WIF1: variants seen among roughly 807,000 people sequenced by gnomAD.
The protein encoded by WIF1 is Wnt inhibitory factor 1.
A neutral mutation model predicts 53.5 loss-of-function variants in WIF1; 35 were observed. The observed-to-expected ratio is 0.65, with a 90% CI of 0.50 to 0.87. The LOEUF is 0.87. Among genes scored for constraint, WIF1 ranks in the 40% least tolerant of loss-of-function variants. The pLI is 0.00. For missense variants in WIF1, 467 were observed against 476.8 expected, an observed-to-expected ratio of 0.98 and a Z score of 0.19; for synonymous variants, 171 against 170.4, an observed-to-expected ratio of 1.00 and a Z score of -0.03.
chr12:65,061,446 G>A (rs548172177), intron 7 of WIF1, among the ~76,000 whole-genome samples: 125 of 152,318 alleles, frequency 8.2e-4, no homozygotes, highest in African/African-American at 2.9e-3. Flanking sequence ...GACACTTAGT[G>A]GACAGGCTGA....
At position 65,112,419 on chromosome 12, in the gene WIF1, C is replaced by CACACACACAA. The variant is rs1883446086; in HGVS notation, c.288+7997_288+7998insTTGTGTGTGT. Among the ~76,000 whole-genome samples the CACACACACAA allele has an allele frequency of 2.0e-5, 3 of 149,380 alleles. No homozygotes were observed. The South Asian group carries it at 6.4e-4, about 32-fold the overall frequency. ...CCTGCTCTAATCACACACACACACA[C>CACACACACAA]ACACACACACACACACACACACACA... On this transcript the variant is annotated intron_variant, in intron 2 of 9. Coordinates refer to ENST00000286574, the MANE Select transcript of WIF1 (RefSeq NM_007191.5).
chr12:65,063,484 C>G (rs1882643842), intron 6 of WIF1, among the ~76,000 whole-genome samples: 1 of 151,960 alleles, frequency 6.6e-6, no homozygotes, highest in South Asian at 2.1e-4. Flanking sequence ...CCAAAATTGG[C>G]TATAGATGAA....
At position 65,062,592 on chromosome 12, in the gene WIF1, A is replaced by C. The variant is rs1882630710; in HGVS notation, c.731-16T>G. 1 of 1,596,060 alleles carries C rather than the reference A, an allele frequency of 6.3e-7. No homozygotes were observed. Among genetic ancestry groups the C allele is most frequent in the Non-Finnish European group, 8.6e-7 (1 of 1,168,400 alleles). On this transcript the variant is annotated splice_polypyrimidine_tract_variant and intron_variant, in intron 6 of 9. Coordinates refer to ENST00000286574, the MANE Select transcript of WIF1 (RefSeq NM_007191.5). ...GAGCAGTTTGCTGTTAGAATGAGTAACAGGGGTGTTGCATTAGACAGTAGG... is the reference window on the plus strand; with the variant it reads ...GAGCAGTTTGCTGTTAGAATGAGTACCAGGGGTGTTGCATTAGACAGTAGG...
At chr12:65,106,843 A>G (rs1390543992) in intron 2 of WIF1, among the ~76,000 whole-genome samples, 1 of 152,220 alleles carries the variant, frequency 6.6e-6, no homozygotes, top group Non-Finnish European at 1.5e-5. Context: ...AAGAAATTGG[A>G]TGAACATGGA....
intron 4 of WIF1, 99 bp from the exon 5 acceptor site, chr12:65,067,889 C>G: frequency 4.1e-6 from 4 of 977,578 alleles, no homozygotes; most frequent in Non-Finnish European, 6.1e-6. Flanking sequence ...CTGTTCTAGC[C>G]CACCAATTAA....
intron 2 of WIF1, among the ~76,000 whole-genome samples, chr12:65,109,070 C>G (rs942860641): frequency 6.6e-6 from 1 of 152,228 alleles, no homozygotes; most frequent in South Asian, 2.1e-4. Flanking sequence ...TTCCTCAGTT[C>G]TGTTCCATAA....
At chr12:65,080,490 T>G (rs1882930017) in intron 2 of WIF1, among the ~76,000 whole-genome samples, 1 of 152,140 alleles carries the variant, frequency 6.6e-6, no homozygotes, top group African/African-American at 2.4e-5. Context: ...AACCAATGAC[T>G]ATTAAAAGTG....
intron 6 of WIF1, among the ~76,000 whole-genome samples, chr12:65,064,444 C>T (rs527631381): frequency 7.9e-4 from 120 of 152,224 alleles, no homozygotes; most frequent in African/African-American, 2.7e-3. Flanking sequence ...TTGTGATGTC[C>T]CAAGGGCCAA....
intron 2 of WIF1, among the ~76,000 whole-genome samples, chr12:65,091,606 T>C (rs1162469671): frequency 6.6e-6 from 1 of 152,100 alleles, no homozygotes; most frequent in African/African-American, 2.4e-5. Flanking sequence ...GGTAAAATGG[T>C]ATTGTGATTA....
intron 2 of WIF1, among the ~76,000 whole-genome samples, chr12:65,099,346 C>G (rs1419823242): frequency 6.6e-6 from 1 of 152,192 alleles, no homozygotes; most frequent in African/African-American, 2.4e-5. Flanking sequence ...CTGCCCATTT[C>G]CCTCCTATTT....
intron 6 of WIF1, among the ~76,000 whole-genome samples, chr12:65,062,836 T>TA (rs1324533710): frequency 5.9e-5 from 9 of 152,064 alleles, no homozygotes; most frequent in East Asian, 1.9e-4. Flanking sequence ...AAAGGCACAG[T>TA]AAAAAAAATT....
intron 6 of WIF1, among the ~76,000 whole-genome samples, chr12:65,064,067 A>G (rs1408623294): frequency 2.0e-5 from 3 of 152,128 alleles, no homozygotes; most frequent in Admixed American, 2.0e-4. Context: ...TGTTTTTGTA[A>G]GTGTGTCCTG....
chr12:65,060,022 T>TA (rs1882587264), intron 7 of WIF1, among the ~76,000 whole-genome samples: 1 of 93,124 alleles, frequency 1.1e-5, no homozygotes, highest in African/African-American at 3.2e-5. Context: ...TACATTTCAT[T>TA]TAAAAAAAAA....
At chr12:65,084,399 C>G (rs1043644793) in intron 2 of WIF1, among the ~76,000 whole-genome samples, 10 of 152,158 alleles carry the variant, frequency 6.6e-5, no homozygotes, top group African/African-American at 2.4e-4. Flanking sequence ...CTTTTTATCT[C>G]TCACTACTCC....
chr12:65,086,589 C>A (rs1883041436), intron 2 of WIF1, among the ~76,000 whole-genome samples: 1 of 152,024 alleles, frequency 6.6e-6, no homozygotes, highest in Non-Finnish European at 1.5e-5. Context: ...AATGATGATT[C>A]CAGAGCATGG....
In WIF1 at chr12:65,051,489, C is replaced by T. The variant is rs1882441297; in HGVS notation, c.1019-19G>A. ...TCGTACCCTGCAAAATTATTCACAG[C>T]TTAAAAGGAAAGAAACTACAAAACC... On this transcript the variant is annotated intron_variant, in intron 9 of 9. Coordinates refer to ENST00000286574, the MANE Select transcript of WIF1 (RefSeq NM_007191.5). 3 of 1,560,286 alleles carry T rather than the reference C, an allele frequency of 1.9e-6. No individual in the cohort carries two copies. The highest frequency in any genetic ancestry group is 1.4e-5 in the African/African-American group (1 of 72,418).
At chr12:65,067,085 C>G (rs1165129722) in intron 5 of WIF1, among the ~76,000 whole-genome samples, 2 of 151,796 alleles carry the variant, frequency 1.3e-5, no homozygotes, top group Non-Finnish European at 2.9e-5. Context: ...AACATAAATG[C>G]AAAGAAGAAA....
chr12:65,085,622 T>G (rs940353508), intron 2 of WIF1, among the ~76,000 whole-genome samples: 3 of 152,262 alleles, frequency 2.0e-5, no homozygotes, highest in African/African-American at 7.2e-5. Flanking sequence ...GATCATGGCT[T>G]AAACAGGCGA....
At chr12:65,092,423 CAT>C (rs150009577) in intron 2 of WIF1, among the ~76,000 whole-genome samples, 1 of 148,590 alleles carries the variant, frequency 6.7e-6, no homozygotes, top group Admixed American at 6.7e-5. Flanking sequence ...CCAGAACATA[CAT>C]ATATATATGT....
Sources: allele counts gnomAD v4.1 joint callset (sites outside exome capture counted in the v4.1 genomes callset), GRCh38; gene constraint gnomAD v4.1.1; transcripts MANE v1.5; gene names NCBI Gene and HGNC (gene_info 2026-07-23, HGNC 2026-07-21).